The following CAMTA1 variants were observed in gnomAD, a reference collection of about 807,000 sequenced individuals.
CAMTA1 encodes the protein calmodulin binding transcription activator 1, also known as calmodulin-binding transcription activator 1.
In CAMTA1, 27 loss-of-function variants were observed where a neutral mutation model predicts 170.9. The observed-to-expected ratio is 0.16, with a 90% CI of 0.12 to 0.22. The LOEUF (loss-of-function observed/expected upper bound fraction) is 0.22, where lower values mean the gene tolerates loss of function less well. Ranked by LOEUF, CAMTA1 falls within the 10% of genes least tolerant of loss-of-function variation. The pLI, the probability that CAMTA1 is intolerant of heterozygous loss-of-function variation, is 1.00. For synonymous variants in CAMTA1, 833 were observed against 891.5 expected, an observed-to-expected ratio of 0.93 and a Z score of 1.17; for missense variants, 1,619 against 2,217.2, an observed-to-expected ratio of 0.73 and a Z score of 5.42.
intron 4 of CAMTA1, among the ~76,000 whole-genome samples, chr1:7,191,870 A>G (rs538485599): frequency 4.9e-4 from 75 of 152,290 alleles, no homozygotes; most frequent in African/African-American, 1.6e-3. Context: ...GAGAAGGCCA[A>G]TGCAGAACCG....
rs576405864 is a variant in CAMTA1, at chr1:6,807,631, A to G, written c.46-12550A>G. On this transcript the variant is annotated intron_variant, in intron 1 of 22. Transcript: ENST00000303635. Reference sequence around the variant, plus strand: ...GCTACTTGGGAGGCTGAGGCAGGAGAATCGCTTGAATCCAGGAGGCGGAGG... The same window carrying G: ...GCTACTTGGGAGGCTGAGGCAGGAGGATCGCTTGAATCCAGGAGGCGGAGG... Among the ~76,000 whole-genome samples, 6 of 151,938 alleles carry G rather than the reference A, an allele frequency of 3.9e-5. No individual in the cohort carries two copies. The South Asian group carries it at 1.2e-3, about 32-fold the overall frequency.
intron 6 of CAMTA1, among the ~76,000 whole-genome samples, chr1:7,593,897 C>A (rs2095373404): frequency 1.3e-5 from 2 of 151,360 alleles, no homozygotes; most frequent in Non-Finnish European, 2.9e-5. Context: ...CAAAAATTAA[C>A]CTGGCATGGT....
chr1:6,832,238 C>G (rs546182196), intron 3 of CAMTA1, among the ~76,000 whole-genome samples: 56 of 152,096 alleles, frequency 3.7e-4, no homozygotes, highest in African/African-American at 1.3e-3. Flanking sequence ...TGCTCGCCAC[C>G]ACGGACCTGG....
rs148410334 is a variant in CAMTA1, at chr1:7,361,745, T to G, written c.439-106085T>G. Among the ~76,000 whole-genome samples the G allele has an allele frequency of 8.5e-5, 13 of 152,178 alleles. 1 individual carries two copies. The highest frequency in any genetic ancestry group is 3.1e-4 in the African/African-American group (13 of 41,454). Reference sequence around the variant, plus strand: ...AGGACTCACTACTAGTTAAAGAAATTTGGGGTGAAAACTGCCTTGGTGGGG... The same window carrying G: ...AGGACTCACTACTAGTTAAAGAAATGTGGGGTGAAAACTGCCTTGGTGGGG... On this transcript the variant is annotated intron_variant, in intron 5 of 22. Coordinates refer to ENST00000303635, the MANE Select transcript of CAMTA1 (RefSeq NM_015215.4).
At chr1:6,969,417 C>T (rs1010896176) in intron 3 of CAMTA1, among the ~76,000 whole-genome samples, 2 of 152,164 alleles carry the variant, frequency 1.3e-5, no homozygotes, top group African/African-American at 4.8e-5. Flanking sequence ...TTCCTGGGCT[C>T]CAGCCGTTGG....
Position 6,898,945 on chromosome 1 carries a change from A to G in CAMTA1, c.234+73735A>G, listed in dbSNP as rs187270591. 1.4e-4 allele frequency among the ~76,000 whole-genome samples: 21 copies of G among 152,254 alleles called. No homozygotes were observed. In the East Asian group the frequency reaches 4.1e-3, roughly 29 times the overall value. On this transcript the variant is annotated intron_variant, in intron 3 of 22. Coordinates refer to ENST00000303635, the MANE Select transcript of CAMTA1 (RefSeq NM_015215.4). Reference sequence around the variant, plus strand: ...AATAGATGATCTAGACGTAGCACCAAGGTGCCCCTGTCTTCCATCACCTTC... The same window carrying G: ...AATAGATGATCTAGACGTAGCACCAGGGTGCCCCTGTCTTCCATCACCTTC...
chr1:7,608,329 C>G (rs2095501055), intron 6 of CAMTA1, among the ~76,000 whole-genome samples: 1 of 152,178 alleles, frequency 6.6e-6, no homozygotes. Flanking sequence ...CCAGGAAGCC[C>G]CTACAGAGAC....
At chr1:7,240,645 C>G (rs879217625) in intron 4 of CAMTA1, among the ~76,000 whole-genome samples, 1 of 151,890 alleles carries the variant, frequency 6.6e-6, no homozygotes, top group Admixed American at 6.6e-5. Context: ...CCTCAGCCTC[C>G]TGAGTAGCTG....
intron 6 of CAMTA1, among the ~76,000 whole-genome samples, chr1:7,583,586 G>T (rs1395741147): frequency 6.6e-6 from 1 of 152,096 alleles, no homozygotes; most frequent in Non-Finnish European, 1.5e-5. Flanking sequence ...TCCCCTGTGT[G>T]GAACCTGCTC....
rs1429287561 is a variant in CAMTA1 at position 7,146,192 on chromosome 1, G to A, written c.302+54821G>A. On this transcript the variant is annotated intron_variant, in intron 4 of 22. Transcript: ENST00000303635. This position sits in a 1 kb window ranked among gnomAD's most constrained non-coding sequence, Gnocchi z 4.3. ...TGGGCAGCTGCTTATTCCAGAAATT[G>A]CCGTGGGCCTGCAATCCTGCTTGCA... Among the ~76,000 whole-genome samples, 1 of 152,086 alleles carries A rather than the reference G, an allele frequency of 6.6e-6. No homozygotes were observed. The highest frequency in any genetic ancestry group is 1.5e-5 in the Non-Finnish European group (1 of 68,008).
At position 6,860,995 on chromosome 1, in the gene CAMTA1, T is replaced by G. The variant is rs558264993; in HGVS notation, c.234+35785T>G. 1.8e-3 allele frequency among the ~76,000 whole-genome samples: 278 copies of G among 150,980 alleles called. 1 individual carries two copies. Among genetic ancestry groups the G allele is most frequent in the African/African-American group, 6.3e-3 (261 of 41,144 alleles). On this transcript the variant is annotated intron_variant, in intron 3 of 22. Coordinates refer to ENST00000303635, the MANE Select transcript of CAMTA1 (RefSeq NM_015215.4). ...TTTTTTTTTTTTTGGGTCAGAGTCT[T>G]GCCCTGTCACCCAGGCTGGAGTGCA...
intron 3 of CAMTA1, among the ~76,000 whole-genome samples, chr1:6,961,515 T>C (rs748281878): frequency 1.1e-4 from 17 of 151,664 alleles, no homozygotes; most frequent in Non-Finnish European, 1.5e-4. Context: ...TTGGGTCCTG[T>C]GTTCACCCTG....
chr1:7,088,739 T>C (rs949499208), intron 3 of CAMTA1, among the ~76,000 whole-genome samples: 1 of 152,154 alleles, frequency 6.6e-6, no homozygotes, highest in Non-Finnish European at 1.5e-5. Context: ...GGGTCACTTC[T>C]CTCAGCATGG....
intron 11 of CAMTA1, among the ~76,000 whole-genome samples, chr1:7,712,931 C>T (rs1226346418): frequency 6.6e-6 from 1 of 152,170 alleles, no homozygotes; most frequent in Non-Finnish European, 1.5e-5. Context: ...TATTCACTAT[C>T]ACGAGAACAG....
chr1:6,976,789 C>G (rs1693506976), intron 3 of CAMTA1, among the ~76,000 whole-genome samples: 1 of 152,194 alleles, frequency 6.6e-6, no homozygotes, highest in South Asian at 2.1e-4. Context: ...CCACCCAAAT[C>G]TCATCTTGAA....
chr1:6,972,445 G>A (rs891989803), intron 3 of CAMTA1, among the ~76,000 whole-genome samples: 5 of 152,316 alleles, frequency 3.3e-5, no homozygotes, highest in Admixed American at 3.3e-4. Flanking sequence ...AAGGATCTGT[G>A]TTTAGTAAGC....
In CAMTA1 at chr1:7,091,480, A is replaced by C. The variant is rs141927173; in HGVS notation, c.302+109A>C. 4.5e-5 allele frequency: 37 copies of C among 827,448 alleles called. No individual in the cohort carries two copies. In the African/African-American group the frequency reaches 5.9e-4, roughly 13 times the overall value. The allele number at this position is 827,448 out of a possible 1,614,324, so 51.3% of individuals were successfully genotyped here. Reference sequence around the variant, plus strand: ...TCATGGGCAACGAGTTGAAAATGCCATGTTGTGCTGGATGGCTTTCGACAC... The same window carrying C: ...TCATGGGCAACGAGTTGAAAATGCCCTGTTGTGCTGGATGGCTTTCGACAC... On this transcript the variant is annotated intron_variant, in intron 4 of 22. Coordinates refer to ENST00000303635, the MANE Select transcript of CAMTA1 (RefSeq NM_015215.4).
intron 3 of CAMTA1, among the ~76,000 whole-genome samples, chr1:6,847,157 C>G (rs898697337): frequency 6.6e-6 from 1 of 151,838 alleles, no homozygotes; most frequent in African/African-American, 2.4e-5. Flanking sequence ...GCTTGTGCCA[C>G]TGCGCCTGGC....
chr1:6,826,691 G>T (rs192270867), intron 3 of CAMTA1, among the ~76,000 whole-genome samples: 1 of 152,216 alleles, frequency 6.6e-6, no homozygotes, highest in Admixed American at 6.5e-5. Context: ...ATTTCCTGTG[G>T]AATTGGCAGC....
Sources: allele counts gnomAD v4.1 joint callset (sites outside exome capture counted in the v4.1 genomes callset), GRCh38; gene constraint gnomAD v4.1.1; non-coding constraint Gnocchi (gnomAD v3.1); transcripts MANE v1.5; gene names NCBI Gene and HGNC (gene_info 2026-07-23, HGNC 2026-07-21).